Variants in RTTN observed in about 807,000 individuals in gnomAD.
RTTN encodes the protein rotatin.
In RTTN, 182 loss-of-function variants were observed where a neutral mutation model predicts 269.2. The ratio of observed to expected loss-of-function variants is 0.68; its 90% CI spans 0.60 to 0.76. The LOEUF is 0.76. RTTN is among the 30% of genes least tolerant of loss of function. The pLI is 0.00. For missense variants in RTTN, 2,545 were observed against 2,608.6 expected (o/e 0.98, Z 0.53); for synonymous variants, 1,006 against 963.5 (o/e 1.04, Z -0.82).
intron 34 of RTTN, among the ~76,000 whole-genome samples, chr18:70,070,587 T>C (rs190150061): frequency 2.6e-3 from 400 of 152,346 alleles, no homozygotes; most frequent in African/African-American, 8.9e-3. Flanking sequence ...TAATGTTTCA[T>C]GCCATTCCAT....
At chr18:70,193,202 G>C in intron 8 of RTTN, 86 bp downstream of exon 8, 10 of 990,356 alleles carry the variant, frequency 1.0e-5, no homozygotes, top group South Asian at 2.0e-5. Flanking sequence ...AAAAAGGACA[G>C]AAAAATAATT....
chr18:70,054,084 C>T (rs370063672), intron 38 of RTTN, 47 bp downstream of exon 38: 5 of 1,476,426 alleles, frequency 3.4e-6, no homozygotes, highest in Admixed American at 1.9e-5. Context: ...AGTTTTTTTT[C>T]CTCAGTATTA....
intron 43 of RTTN, 53 bp downstream of exon 43, chr18:70,028,671 A>C: frequency 9.4e-7 from 1 of 1,059,036 alleles, no homozygotes; most frequent in South Asian, 1.5e-5. Flanking sequence ...ATAAAAATTA[A>C]ACTGCTTAAT....
chr18:70,005,259 T>G lies in RTTN; in HGVS notation c.6534A>C (p.Thr2178=). 6.2e-7 allele frequency: 1 copy of G among 1,612,428 alleles called. No homozygotes were observed. The highest frequency in any genetic ancestry group is 8.5e-7 in the Non-Finnish European group (1 of 1,178,962). The change falls in exon 48 of 49, where the codon ACA becomes ACC. Residue 2178 remains threonine, a synonymous_variant. Transcript: ENST00000640769. The part of the protein sequence containing the change: ...ALIYNYQKAK[T]ALKSPSVKRR... ...TTTTTACTGATGGGCTTTTCAAAGC[T>G]GTTTTTGCCTAGAACAATCCATTAA...
chr18:70,105,769 A>AAT (rs1301967291), intron 28 of RTTN, among the ~76,000 whole-genome samples: 4 of 152,222 alleles, frequency 2.6e-5, no homozygotes, highest in East Asian at 3.9e-4. Flanking sequence ...GACCAGATAA[A>AAT]ATATATATAT....
chr18:70,149,037 C>A lies in RTTN; in HGVS notation c.2173G>T (p.Gly725Cys), dbSNP rs1219589196. Reference sequence around the variant, plus strand: ...AGAGGATCTTCTGTGTCGGCATAGCCCTAATAGATTTGTTTTTAAAGAGAA... The same window carrying A: ...AGAGGATCTTCTGTGTCGGCATAGCACTAATAGATTTGTTTTTAAAGAGAA... ...SLCPVIPILQ[G>C]YADTEDPLGN... The change falls in exon 17 of 49, where the codon GGC (glycine) becomes TGC (cysteine). Residue 725 changes from glycine to cysteine, a missense_variant and splice_region_variant. By Grantham distance (159) the Gly-to-Cys change is radical (BLOSUM62 -3). Coordinates refer to ENST00000640769, the MANE Select transcript of RTTN (RefSeq NM_173630.4). 1 of 1,606,690 alleles carries A rather than the reference C, an allele frequency of 6.2e-7. No individual in the cohort carries two copies. Among genetic ancestry groups the A allele is most frequent in the East Asian group, 2.2e-5 (1 of 44,824 alleles).
At chr18:70,075,599 A>C in intron 32 of RTTN, 58 bp from the exon 33 acceptor site, 2 of 1,373,988 alleles carry the variant, frequency 1.5e-6, no homozygotes, top group Non-Finnish European at 2.0e-6. Flanking sequence ...ATTTCCTTAA[A>C]AAGATCCATT....
intron 40 of RTTN, chr18:70,031,503 A>T: frequency 2.5e-6 from 1 of 395,626 alleles, no homozygotes; most frequent in East Asian, 3.6e-5. Flanking sequence ...ATAGTGTGTA[A>T]CTTTTTTGAC....
At position 70,057,797 on chromosome 18, in the gene RTTN, T is replaced by C. The variant is rs1318264983; in HGVS notation, c.4976A>G (p.Gln1659Arg). The C allele has an allele frequency of 1.9e-6, 3 of 1,613,758 alleles. No individual in the cohort carries two copies. The highest frequency in any genetic ancestry group is 1.3e-5 in the African/African-American group (1 of 74,914). ...TGAAGGCAGCAGGGCTCTGAGTTCC[T>C]GGACACATGTCTGTATGAGGGTAGC... ...ADATLIQTCV[Q>R]ELRALLPSSP... The change falls in exon 37 of 49, where the codon CAG (glutamine) becomes CGG (arginine). Residue 1659 changes from glutamine (Q) to arginine (R), a missense_variant. Coordinates refer to ENST00000640769, the MANE Select transcript of RTTN (RefSeq NM_173630.4).
intron 33 of RTTN, 81 bp from the exon 34 acceptor site, chr18:70,074,075 A>C: frequency 1.1e-6 from 1 of 872,390 alleles, no homozygotes; most frequent in Non-Finnish European, 1.8e-6. Context: ...CATTACAGGA[A>C]ACCAATTCAA....
chr18:70,145,708 T>C lies in RTTN; in HGVS notation c.2385A>G (p.Leu795=), dbSNP rs991405773. The C allele has an allele frequency of 6.2e-7, 1 of 1,613,528 alleles. No individual in the cohort carries two copies. Among genetic ancestry groups the C allele is most frequent in the Non-Finnish European group, 8.5e-7 (1 of 1,179,642 alleles). Residue 795 remains leucine, a synonymous_variant, in exon 18 of 49, where the codon CTA becomes CTG. Transcript: ENST00000640769. Reference sequence around the variant, plus strand: ...CTCTGGAGAGAACTCTGGCGTCTATTAGAGGACGCTTTGTATCAGCCCCTT... The same window carrying C: ...CTCTGGAGAGAACTCTGGCGTCTATCAGAGGACGCTTTGTATCAGCCCCTT... ...SEEGADTKRP[L]IDARVLSRVT... is the part of the protein sequence containing the mutation.
chr18:70,104,300 T>C (rs547068580), intron 28 of RTTN, among the ~76,000 whole-genome samples: 11 of 152,348 alleles, frequency 7.2e-5, no homozygotes, highest in African/African-American at 2.6e-4. Flanking sequence ...AGCTTGTGCA[T>C]ATGTCATGTA....
intron 34 of RTTN, among the ~76,000 whole-genome samples, chr18:70,067,781 G>A (rs2058183046): frequency 1.3e-5 from 2 of 152,250 alleles, no homozygotes; most frequent in African/African-American, 4.8e-5. Context: ...CGGTTTCAAC[G>A]ATCGGTGTGG....
intron 18 of RTTN, among the ~76,000 whole-genome samples, chr18:70,143,334 T>C (rs531534914): frequency 2.6e-4 from 39 of 152,120 alleles, no homozygotes; most frequent in African/African-American, 8.7e-4. Flanking sequence ...AGCAAACACA[T>C]GGAATCAACC....
chr18:70,114,562 T>C lies in RTTN; in HGVS notation c.3566A>G (p.Glu1189Gly), dbSNP rs1250687798. 6.2e-7 allele frequency: 1 copy of C among 1,613,570 alleles called. No individual in the cohort carries two copies. ...ATCTGTTTCTTCTCGTGCCTGTGAC[T>C]CTGTCAGAACCAAGAGGTCTAACAG... ...NPLLDLLVLT[E>G]SQAREETDDI... Residue 1189 changes from glutamate (E) to glycine (G), a missense_variant, in exon 27 of 49, where the codon GAG becomes GGG. Transcript: ENST00000640769.
intron 34 of RTTN, among the ~76,000 whole-genome samples, chr18:70,067,318 C>T (rs2058166684): frequency 6.6e-6 from 1 of 152,094 alleles, no homozygotes; most frequent in Non-Finnish European, 1.5e-5. Context: ...CGCCACCACG[C>T]CCGGCTAATT....
At position 70,199,455 on chromosome 18, in the gene RTTN, G is replaced by C; in HGVS notation, c.537C>G (p.Pro179=). The change falls in exon 5 of 49, where the codon CCC becomes CCG. Residue 179 remains proline (P), a synonymous_variant. Coordinates refer to ENST00000640769, the MANE Select transcript of RTTN (RefSeq NM_173630.4). ...GGACATGTCTGTCTGTGGTGGTCAG[G>C]GGTAGCCAAGGAAATGTAGAAAACT... ...CLKFSTFPWL[P]LTTTDRHVLS... 1 of 1,613,096 alleles carries C rather than the reference G, an allele frequency of 6.2e-7. No homozygotes were observed. The highest frequency in any genetic ancestry group is 8.5e-7 in the Non-Finnish European group (1 of 1,179,346).
intron 44 of RTTN, 133 bp downstream of exon 44, chr18:70,024,589 C>CT (rs1372823688): frequency 1.3e-6 from 1 of 793,010 alleles, no homozygotes; most frequent in African/African-American, 1.8e-5. Context: ...GAAAGCTTGC[C>CT]TTTGCCCATC....
At chr18:70,051,370 A>T (rs2057661578) in intron 39 of RTTN, 41 bp downstream of exon 39, 1 of 1,567,418 alleles carries the variant, frequency 6.4e-7, no homozygotes, top group African/African-American at 1.4e-5. Flanking sequence ...ATCTCGTTTT[A>T]TTAGCAGAAA....
Sources: allele counts gnomAD v4.1 joint callset (sites outside exome capture counted in the v4.1 genomes callset), GRCh38; gene constraint gnomAD v4.1.1; transcripts MANE v1.5; gene names NCBI Gene and HGNC (gene_info 2026-07-23, HGNC 2026-07-21).